Variants in SPAG16 observed in about 807,000 individuals in gnomAD.
SPAG16 encodes the protein sperm associated antigen 16.
SPAG16 carries 86 observed loss-of-function variants against 80.4 expected under a neutral mutation model. That is an observed-to-expected ratio of 1.07 (90% CI 0.90 to 1.28). The LOEUF is 1.28. Among genes scored for constraint, SPAG16 ranks in the 50% most tolerant of loss-of-function variants. The pLI is 0.00. For synonymous variants in SPAG16, 294 were observed against 265.9 expected, an observed-to-expected ratio of 1.11 and a Z score of -1.03; for missense variants, 870 against 765.3, an observed-to-expected ratio of 1.14 and a Z score of -1.61.
intron 11 of SPAG16, among the ~76,000 whole-genome samples, chr2:213,871,869 CACACACACACAGAG>C (rs1559540794): frequency 9.3e-6 from 1 of 108,094 alleles, no homozygotes; most frequent in Non-Finnish European, 2.1e-5. Flanking sequence ...CACACACACA[CACACACACACAGAG>C]AGAGAGAGAG....
chr2:213,976,257 T>C (rs545799845), intron 12 of SPAG16, among the ~76,000 whole-genome samples: 19 of 150,814 alleles, frequency 1.3e-4, no homozygotes, highest in African/African-American at 3.6e-4. Context: ...TACGTGTATA[T>C]ACACACATAT....
chr2:214,395,653 A>AT (rs1701323925), intron 15 of SPAG16, among the ~76,000 whole-genome samples: 1 of 151,896 alleles, frequency 6.6e-6, no homozygotes, highest in Non-Finnish European at 1.5e-5. Flanking sequence ...CCCGATAGGT[A>AT]TTTTTTTCTG....
chr2:213,898,097 C>T (rs1010180994), intron 11 of SPAG16, among the ~76,000 whole-genome samples: 1 of 152,114 alleles, frequency 6.6e-6, no homozygotes, highest in Non-Finnish European at 1.5e-5. Flanking sequence ...AAGGAGATCT[C>T]ATTTTTTCCT....
chr2:214,198,285 A>T (rs777495172), intron 15 of SPAG16, among the ~76,000 whole-genome samples: 24 of 151,984 alleles, frequency 1.6e-4, no homozygotes, highest in Non-Finnish European at 3.2e-4. Flanking sequence ...AAAGTACATT[A>T]TATCATTCTT....
Position 213,656,634 on chromosome 2 carries a change from C to T in SPAG16, c.1070+166544C>T, listed in dbSNP as rs182934556. Among the ~76,000 whole-genome samples the T allele has an allele frequency of 1.4e-3, 216 of 152,228 alleles. 2 individuals carry two copies. The highest frequency in any genetic ancestry group is 4.7e-3 in the African/African-American group (197 of 41,534). On this transcript the variant is annotated intron_variant, in intron 10 of 15. Coordinates refer to ENST00000331683, the MANE Select transcript of SPAG16 (RefSeq NM_024532.5). ...TGGTAGGCAAGGAAGAAACCTAGGC[C>T]TTCAGATTTTTGGTTTTGCTCAACT...
At chr2:214,261,688 C>CTTAT (rs1219886147) in intron 15 of SPAG16, among the ~76,000 whole-genome samples, 1 of 151,948 alleles carries the variant, frequency 6.6e-6, no homozygotes, top group East Asian at 1.9e-4. Flanking sequence ...TTTATTTGTG[C>CTTAT]TTATTAAGTT....
At chr2:213,724,802 G>GAAAAA (rs1221361058) in intron 10 of SPAG16, among the ~76,000 whole-genome samples, 1 of 93,830 alleles carries the variant, frequency 1.1e-5, no homozygotes, top group Admixed American at 1.4e-4. Flanking sequence ...AAAAAAAAAA[G>GAAAAA]AAAAAAGGAT....
At chr2:213,370,468 T>G (rs924564632) in intron 8 of SPAG16, among the ~76,000 whole-genome samples, 2 of 152,166 alleles carry the variant, frequency 1.3e-5, no homozygotes, top group African/African-American at 4.8e-5. Flanking sequence ...GTTTTCATAT[T>G]AAGATAAGAA....
intron 10 of SPAG16, among the ~76,000 whole-genome samples, chr2:213,592,627 G>A (rs1220237891): frequency 1.3e-5 from 2 of 152,102 alleles, no homozygotes; most frequent in Non-Finnish European, 2.9e-5. Context: ...GTTCCTTGGG[G>A]ACCTGTGGGA....
intron 10 of SPAG16, among the ~76,000 whole-genome samples, chr2:213,576,618 A>T (rs1021978409): frequency 1.1e-4 from 17 of 152,184 alleles, no homozygotes; most frequent in South Asian, 6.2e-4. Context: ...TGTGGTACAT[A>T]TACACCATGG....
chr2:213,288,474 T>C (rs1205999707), intron 1 of SPAG16, among the ~76,000 whole-genome samples: 1 of 150,798 alleles, frequency 6.6e-6, no homozygotes, highest in Non-Finnish European at 1.5e-5. Context: ...CTGGCTAATT[T>C]TTTTTTTTTT....
chr2:213,784,626 T>TAAAAAA (rs71063777), intron 10 of SPAG16, among the ~76,000 whole-genome samples: 1 of 47,900 alleles, frequency 2.1e-5, no homozygotes, highest in Non-Finnish European at 4.0e-5. Context: ...CAATTATTTC[T>TAAAAAA]AAAAAAAAAA....
intron 15 of SPAG16, among the ~76,000 whole-genome samples, chr2:214,232,411 C>T (rs751006506): frequency 7.2e-5 from 11 of 151,968 alleles, no homozygotes; most frequent in South Asian, 4.1e-4. Flanking sequence ...CTGCAACATT[C>T]GTGGTGAATG....
intron 12 of SPAG16, among the ~76,000 whole-genome samples, chr2:213,976,028 C>T (rs888823255): frequency 6.6e-6 from 1 of 150,424 alleles, no homozygotes; most frequent in East Asian, 2.0e-4. Context: ...ATGTGGGTCT[C>T]CTCTTCATAC....
intron 15 of SPAG16, among the ~76,000 whole-genome samples, chr2:214,209,583 A>G (rs1431245420): frequency 6.6e-6 from 1 of 152,134 alleles, no homozygotes; most frequent in East Asian, 1.9e-4. Context: ...GGACCATGGG[A>G]AGTAATACGT....
At chr2:214,025,943 A>T (rs1228191793) in intron 13 of SPAG16, among the ~76,000 whole-genome samples, 3 of 151,590 alleles carry the variant, frequency 2.0e-5, no homozygotes, top group African/African-American at 7.2e-5. Flanking sequence ...TAAGATGGTC[A>T]TTTGTTGTTT....
intron 10 of SPAG16, among the ~76,000 whole-genome samples, chr2:213,797,517 A>G (rs1287810940): frequency 2.6e-5 from 4 of 152,206 alleles, no homozygotes; most frequent in Non-Finnish European, 5.9e-5. Flanking sequence ...AGACAATAAC[A>G]TATTGTACAT....
chr2:213,533,765 A>G (rs1575867137), intron 10 of SPAG16, among the ~76,000 whole-genome samples: 1 of 152,304 alleles, frequency 6.6e-6, no homozygotes, highest in East Asian at 1.9e-4. Flanking sequence ...TATAATATCT[A>G]TGATCCTACT....
intron 10 of SPAG16, among the ~76,000 whole-genome samples, chr2:213,661,589 T>A (rs1457133045): frequency 6.6e-6 from 1 of 152,198 alleles, no homozygotes; most frequent in Non-Finnish European, 1.5e-5. Context: ...TTTGATTTGT[T>A]TCTTTTGATT....
Sources: gnomAD v4.1 joint callset for allele counts (sites outside exome capture counted in the v4.1 genomes callset) on GRCh38, gnomAD v4.1.1 for gene constraint, MANE v1.5 for transcripts, NCBI Gene and HGNC (gene_info 2026-07-23, HGNC 2026-07-21) for gene names.